The following HS1BP3 variants were observed in gnomAD, a reference collection of about 807,000 sequenced individuals.
HS1BP3 encodes the protein HCLS1-binding protein 3.
In HS1BP3, 32 loss-of-function variants were observed where a neutral mutation model predicts 33.5. That is an observed-to-expected ratio of 0.95 (90% CI 0.72 to 1.28). The LOEUF (loss-of-function observed/expected upper bound fraction) is 1.28, where lower values mean the gene tolerates loss of function less well. Ranked by LOEUF, HS1BP3 falls within the 50% of genes most tolerant of loss-of-function variation. The pLI, the probability that HS1BP3 is intolerant of heterozygous loss-of-function variation, is 0.00. For missense variants in HS1BP3, 486 were observed against 502.3 expected (o/e 0.97, Z 0.31); for synonymous variants, 187 against 209.2 (o/e 0.89, Z 0.92).
chr2:20,647,543 T>TG (rs1695555152), intron 1 of HS1BP3, among the ~76,000 whole-genome samples: 1 of 152,176 alleles, frequency 6.6e-6, no homozygotes, highest in Non-Finnish European at 1.5e-5. Context: ...CAGCATCGCC[T>TG]GGGAACTTGT....
At chr2:20,647,077 G>A (rs955771305) in intron 1 of HS1BP3, among the ~76,000 whole-genome samples, 2 of 152,136 alleles carry the variant, frequency 1.3e-5, no homozygotes, top group African/African-American at 4.8e-5. Flanking sequence ...GGGGGTGAAA[G>A]TGACAAGAAG....
chr2:20,586,291 T>A (rs1427494216), intron 5 of HS1BP3: 1 of 152,202 alleles, frequency 6.6e-6, no homozygotes, highest in African/African-American at 2.4e-5. Context: ...AGATCAGACA[T>A]CTTTCACAAC....
intron 1 of HS1BP3, among the ~76,000 whole-genome samples, chr2:20,649,102 A>C (rs1008276369): frequency 1.3e-5 from 2 of 152,218 alleles, no homozygotes; most frequent in Admixed American, 1.3e-4. Context: ...TCAGCATAGC[A>C]GCCAAAGGAT....
chr2:20,626,872 C>T (rs1436924570), intron 4 of HS1BP3, among the ~76,000 whole-genome samples: 3 of 152,214 alleles, frequency 2.0e-5, no homozygotes, highest in African/African-American at 7.2e-5. Flanking sequence ...CTTACTCAGA[C>T]ATTCTCCCCT....
intron 5 of HS1BP3, among the ~76,000 whole-genome samples, chr2:20,562,784 G>A (rs1693032518): frequency 6.6e-6 from 1 of 152,202 alleles, no homozygotes; most frequent in Non-Finnish European, 1.5e-5. Context: ...GTGTCTGCTG[G>A]AGAGTTCCTT....
At chr2:20,561,416 C>T (rs1039812228) in intron 5 of HS1BP3, among the ~76,000 whole-genome samples, 4 of 152,190 alleles carry the variant, frequency 2.6e-5, no homozygotes, top group Non-Finnish European at 4.4e-5. Flanking sequence ...AAATGGGCCT[C>T]ACAATGCCTG....
chr2:20,630,338 T>C (rs4666319), intron 4 of HS1BP3, among the ~76,000 whole-genome samples: 68,984 of 152,058 alleles, frequency 0.45, 15,990 homozygotes, highest in Non-Finnish European at 0.51. Context: ...TGATCACAGC[T>C]CACTGCAGCC....
chr2:20,622,327 T>A (rs1449996030), intron 6 of HS1BP3: 4 of 1,303,538 alleles, frequency 3.1e-6, no homozygotes, highest in Non-Finnish European at 4.0e-6. Flanking sequence ...TGTCTGAATT[T>A]AAAAAAAAGA....
At chr2:20,598,617 G>A (rs1446056331) in intron 2 of HS1BP3, among the ~76,000 whole-genome samples, 2 of 135,770 alleles carry the variant, frequency 1.5e-5, no homozygotes, top group African/African-American at 5.8e-5. Flanking sequence ...GGAGTGCAGT[G>A]GCGGGATCTC....
In HS1BP3 at chr2:20,623,986, A is replaced by G. The variant is rs867848929; in HGVS notation, c.830T>C (p.Leu277Pro). ...GGCTGGCAGCAGGAGGGAGTCACCC[A>G]GGGGGATGGCCCCGCCGAGGTCAGG... The part of the protein sequence containing the change: ...DDPDLGGAIP[L>P]GDSLLLPAAC... Residue 277 changes from leucine (L) to proline (P), a missense_variant, in exon 6 of 7, where the codon CTG becomes CCG. Coordinates refer to ENST00000304031, the MANE Select transcript of HS1BP3 (RefSeq NM_022460.4). The G allele has an allele frequency of 6.2e-7, 1 of 1,612,216 alleles. No homozygotes were observed. Among genetic ancestry groups the G allele is most frequent in the South Asian group, 1.1e-5 (1 of 91,008 alleles).
chr2:20,568,445 C>T (rs960123791), intron 5 of HS1BP3, among the ~76,000 whole-genome samples: 5 of 152,100 alleles, frequency 3.3e-5, no homozygotes, highest in Non-Finnish European at 5.9e-5. Flanking sequence ...CCTGGGCCGC[C>T]GTCAGGCTTC....
intron 2 of HS1BP3, among the ~76,000 whole-genome samples, chr2:20,605,072 G>A (rs542757283): frequency 6.6e-6 from 1 of 152,320 alleles, no homozygotes; most frequent in Admixed American, 6.5e-5. Flanking sequence ...AGATGTCTTG[G>A]CAATAGCTTC....
chr2:20,598,618 G>C (rs1473172281), intron 2 of HS1BP3, among the ~76,000 whole-genome samples: 1 of 139,674 alleles, frequency 7.2e-6, no homozygotes, highest in Non-Finnish European at 1.5e-5. Flanking sequence ...GAGTGCAGTG[G>C]CGGGATCTCG....
chr2:20,609,285 C>G (rs1303985382), intron 2 of HS1BP3, among the ~76,000 whole-genome samples: 1 of 152,220 alleles, frequency 6.6e-6, no homozygotes, highest in Non-Finnish European at 1.5e-5. Flanking sequence ...CATGAGAACC[C>G]ACAGCAGCCT....
At chr2:20,633,895 G>C (rs1695040917) in intron 4 of HS1BP3, among the ~76,000 whole-genome samples, 1 of 152,276 alleles carries the variant, frequency 6.6e-6, no homozygotes, top group African/African-American at 2.4e-5. Context: ...GACAGCCTGG[G>C]TGGAGTGCCG....
intron 5 of HS1BP3, among the ~76,000 whole-genome samples, chr2:20,587,253 T>C (rs1411781259): frequency 6.6e-6 from 1 of 152,152 alleles, no homozygotes; most frequent in East Asian, 1.9e-4. Flanking sequence ...AGAATGTTTA[T>C]GCAAAGGAAA....
intron 5 of HS1BP3, among the ~76,000 whole-genome samples, chr2:20,562,585 G>A (rs1693027586): frequency 6.6e-6 from 1 of 152,222 alleles, no homozygotes; most frequent in South Asian, 2.1e-4. Context: ...AACCTGCAGA[G>A]GGGGTCACAG....
downstream of HS1BP3, among the ~76,000 whole-genome samples, chr2:20,614,049 T>C (rs1400007313): frequency 6.6e-6 from 1 of 152,040 alleles, no homozygotes; most frequent in African/African-American, 2.4e-5. Flanking sequence ...AGAGGGAAAT[T>C]TGGGCACAGA....
At chr2:20,638,754 G>A (rs1047762779) in intron 3 of HS1BP3, 102 bp from the exon 4 acceptor site, 13 of 909,806 alleles carry the variant, frequency 1.4e-5, no homozygotes, top group Non-Finnish European at 2.2e-5. Flanking sequence ...TGAGGCCGAG[G>A]GCTTCCTGCA....
Sources: gnomAD v4.1 joint callset for allele counts (sites outside exome capture counted in the v4.1 genomes callset) on GRCh38, gnomAD v4.1.1 for gene constraint, MANE v1.5 for transcripts, NCBI Gene and HGNC (gene_info 2026-07-23, HGNC 2026-07-21) for gene names.